Variants in ADAMTSL1 observed in about 807,000 individuals in gnomAD.
ADAMTSL1 encodes ADAMTS like 1, also known as ADAMTS-like protein 1.
In ADAMTSL1, 126 loss-of-function variants were observed where a neutral mutation model predicts 201.8. The observed-to-expected ratio is 0.62, with a 90% CI of 0.54 to 0.72. ADAMTSL1 has a LOEUF of 0.72. Among genes scored for constraint, ADAMTSL1 ranks in the 30% least tolerant of loss-of-function variants. The pLI is 0.00. For missense variants in ADAMTSL1, 2,679 were observed against 2,277.8 expected (o/e 1.18, Z -3.59); for synonymous variants, 1,121 against 903.4 (o/e 1.24, Z -4.32).
chr9:18,066,779 C>A (rs562271369), intron 1 of ADAMTSL1, among the ~76,000 whole-genome samples: 1 of 152,102 alleles, frequency 6.6e-6, no homozygotes, highest in East Asian at 1.9e-4. Flanking sequence ...AAATGTGGCA[C>A]ATATACACCA....
chr9:18,795,644 G>A (rs1031259246), intron 20 of ADAMTSL1, 120 bp downstream of exon 20: 1 of 1,111,660 alleles, frequency 9.0e-7, no homozygotes, highest in East Asian at 2.6e-5. Flanking sequence ...TCTTCAGGGA[G>A]TTTGTAATCT....
chr9:18,645,132 G>T (rs369660251), intron 7 of ADAMTSL1, among the ~76,000 whole-genome samples: 46 of 152,120 alleles, frequency 3.0e-4, no homozygotes, highest in South Asian at 8.3e-4. Flanking sequence ...ATTTCTCTGA[G>T]GGCCAGTGAT....
At chr9:18,116,647 T>C (rs1451853826) in intron 1 of ADAMTSL1, among the ~76,000 whole-genome samples, 1 of 152,234 alleles carries the variant, frequency 6.6e-6, no homozygotes, top group African/African-American at 2.4e-5. Flanking sequence ...TCTTATCTGG[T>C]GGCTATAAGA....
At chr9:18,004,954 A>G (rs1401795485) in intron 1 of ADAMTSL1, among the ~76,000 whole-genome samples, 3 of 152,114 alleles carry the variant, frequency 2.0e-5, no homozygotes, top group Non-Finnish European at 2.9e-5. Flanking sequence ...AATGCTGACT[A>G]TGTGTTAAGC....
At chr9:18,586,204 C>G (rs968930561) in intron 4 of ADAMTSL1, among the ~76,000 whole-genome samples, 2 of 152,144 alleles carry the variant, frequency 1.3e-5, no homozygotes, top group African/African-American at 4.8e-5. Context: ...GGGCTCAACC[C>G]AAAAGCTCCT....
intron 2 of ADAMTSL1, among the ~76,000 whole-genome samples, chr9:18,343,741 C>T (rs1486514400): frequency 6.6e-6 from 1 of 152,122 alleles, no homozygotes; most frequent in Non-Finnish European, 1.5e-5. Context: ...TAGAATTTGT[C>T]TTAGAGGATG....
At chr9:18,178,677 T>C (rs1325366325) in intron 2 of ADAMTSL1, among the ~76,000 whole-genome samples, 1 of 151,172 alleles carries the variant, frequency 6.6e-6, no homozygotes, top group African/African-American at 2.4e-5. Context: ...CAGCTGTAGA[T>C]CTGAGAACGG....
chr9:18,314,602 T>C (rs1373322832), intron 2 of ADAMTSL1, among the ~76,000 whole-genome samples: 6 of 151,878 alleles, frequency 4.0e-5, no homozygotes, highest in Admixed American at 3.9e-4. Context: ...AGTGGGTTCA[T>C]GGTCTCGCTG....
intron 9 of ADAMTSL1, among the ~76,000 whole-genome samples, chr9:18,669,072 G>T (rs944064677): frequency 1.3e-5 from 2 of 152,182 alleles, no homozygotes; most frequent in African/African-American, 2.4e-5. Flanking sequence ...TCTGCATAAT[G>T]CCTTAAGCAA....
At chr9:18,639,211 C>T in intron 6 of ADAMTSL1, 43 bp from the exon 7 acceptor site, 2 of 1,604,754 alleles carry the variant, frequency 1.2e-6, no homozygotes, top group Middle Eastern at 1.7e-4. Flanking sequence ...TGTGGTTGCC[C>T]TAGGAACATC....
In ADAMTSL1 at chr9:18,763,832, C is replaced by T. The variant is rs188738480; in HGVS notation, c.2218-6770C>T. 9.9e-4 allele frequency among the ~76,000 whole-genome samples: 151 copies of T among 152,194 alleles called. 1 individual carries two copies. Among genetic ancestry groups the T allele is most frequent in the Non-Finnish European group, 5.6e-4 (38 of 68,002 alleles). On this transcript the variant is annotated intron_variant, in intron 16 of 28. Coordinates refer to ENST00000380548, the MANE Select transcript of ADAMTSL1 (RefSeq NM_001040272.6). ...TTGTTTCTGGGTTCTCTATTCTATT[C>T]CATTGGTCTATATGTCTGTTTTCAT...
chr9:18,881,261 G>A (rs939016224), intron 23 of ADAMTSL1, among the ~76,000 whole-genome samples: 9 of 152,168 alleles, frequency 5.9e-5, no homozygotes, highest in African/African-American at 2.2e-4. Flanking sequence ...GCTGTTTGGA[G>A]CAAGAGACCT....
At chr9:18,043,237 G>A (rs996999112) in intron 1 of ADAMTSL1, among the ~76,000 whole-genome samples, 7 of 152,060 alleles carry the variant, frequency 4.6e-5, no homozygotes, top group African/African-American at 1.7e-4. Flanking sequence ...GCTTCCGAAG[G>A]TGATTTTTTC....
At chr9:18,793,399 G>A (rs1405892278) in intron 19 of ADAMTSL1, 1 of 152,232 alleles carries the variant, frequency 6.6e-6, no homozygotes, top group African/African-American at 2.4e-5. Context: ...ATACAGCCTG[G>A]AGAGACCCGG....
At chr9:18,479,276 G>C (rs1821608839) in intron 1 of ADAMTSL1, among the ~76,000 whole-genome samples, 1 of 152,234 alleles carries the variant, frequency 6.6e-6, no homozygotes, top group South Asian at 2.1e-4. Flanking sequence ...GCCACGTCAA[G>C]AAGATGCCCA....
intron 9 of ADAMTSL1, among the ~76,000 whole-genome samples, chr9:18,673,888 C>T (rs1046766768): frequency 8.6e-5 from 13 of 151,904 alleles, no homozygotes; most frequent in Admixed American, 5.2e-4. Context: ...ACTAGAAGGA[C>T]TGTGGAAGAG....
chr9:18,778,954 G>T (rs1821222859), intron 19 of ADAMTSL1, among the ~76,000 whole-genome samples: 1 of 152,158 alleles, frequency 6.6e-6, no homozygotes, highest in African/African-American at 2.4e-5. Flanking sequence ...TTTTCATTAA[G>T]TCTATATCTA....
chr9:17,932,964 T>A (rs549129479), intron 1 of ADAMTSL1, among the ~76,000 whole-genome samples: 2 of 152,176 alleles, frequency 1.3e-5, no homozygotes, highest in Non-Finnish European at 2.9e-5. Context: ...CCATCACTTA[T>A]GTCAGATCAA....
chr9:18,653,620 A>G (rs200937394), intron 7 of ADAMTSL1, among the ~76,000 whole-genome samples: 7 of 7,568 alleles, frequency 9.2e-4, no homozygotes, highest in Non-Finnish European at 1.5e-3. Context: ...TATGAAAAAG[A>G]AAAAAAAAAA....
Sources: allele counts gnomAD v4.1 joint callset (sites outside exome capture counted in the v4.1 genomes callset), GRCh38; gene constraint gnomAD v4.1.1; transcripts MANE v1.5; gene names NCBI Gene and HGNC (gene_info 2026-07-23, HGNC 2026-07-21).